Variants in AFDN observed in about 807,000 individuals in gnomAD.
AFDN encodes afadin.
A neutral mutation model predicts 216.6 loss-of-function variants in AFDN; 68 were observed. The observed-to-expected ratio is 0.31, with a 90% CI of 0.26 to 0.38. AFDN has a LOEUF of 0.38. AFDN is among the 10% of genes least tolerant of loss of function. The probability of loss-of-function intolerance (pLI) is 1.00; values close to 1 mark genes in which losing one functional copy is unlikely to be tolerated. For synonymous variants in AFDN, 868 were observed against 853.7 expected (o/e 1.02, Z -0.29); for missense variants, 2,136 against 2,342.0 (o/e 0.91, Z 1.82).
At chr6:167,934,112 C>T (rs1381900037) in intron 23 of AFDN, among the ~76,000 whole-genome samples, 2 of 152,242 alleles carry the variant, frequency 1.3e-5, no homozygotes, top group Non-Finnish European at 2.9e-5. Flanking sequence ...CACACACCTG[C>T]AAATGTCGCG....
intron 6 of AFDN, 56 bp downstream of exon 6, chr6:167,880,573 T>G: frequency 1.3e-6 from 2 of 1,534,170 alleles, no homozygotes; most frequent in Non-Finnish European, 8.9e-7. Context: ...AATGGTAGAT[T>G]TTCTTTAAAT....
chr6:167,954,362 T>G (rs765402225), intron 30 of AFDN: 1 of 933,286 alleles, frequency 1.1e-6, no homozygotes, highest in African/African-American at 1.7e-5. Context: ...CGCATGATAG[T>G]GAGAAAATAT....
rs563443858 is a variant in AFDN at position 167,848,104 on chromosome 6, G to A, written c.106-16447G>A. ...TGATTTACCCTATGTGAAACTGTGG[G>A]GGTAGCACTTTGGTGAAACAGGAGC... On this transcript the variant is annotated intron_variant, in intron 1 of 33. Coordinates refer to ENST00000683244, the MANE Select transcript of AFDN (RefSeq NM_001386888.1). Among the ~76,000 whole-genome samples, 20 of 152,182 alleles carry A rather than the reference G, an allele frequency of 1.3e-4. No homozygotes were observed. In the South Asian group the frequency reaches 3.3e-3, roughly 25 times the overall value.
At chr6:167,859,250 A>C (rs918536015) in intron 1 of AFDN, among the ~76,000 whole-genome samples, 7 of 152,116 alleles carry the variant, frequency 4.6e-5, no homozygotes, top group African/African-American at 1.7e-4. Context: ...TCTGTCCTCT[A>C]CCTAAAGCTG....
intron 23 of AFDN, among the ~76,000 whole-genome samples, chr6:167,936,410 A>G (rs923049601): frequency 2.6e-5 from 4 of 152,242 alleles, no homozygotes; most frequent in Non-Finnish European, 5.9e-5. Flanking sequence ...CCATAAAATG[A>G]ATTTTAATTG....
At chr6:167,918,594 A>C in intron 20 of AFDN, 141 bp from the exon 21 acceptor site, 1 of 785,658 alleles carries the variant, frequency 1.3e-6, no homozygotes, top group South Asian at 1.6e-5. Context: ...CTCCCTCCGT[A>C]ACCCTGCGTC....
intron 19 of AFDN, among the ~76,000 whole-genome samples, chr6:167,915,937 G>A (rs79514553): frequency 0.02 from 3,096 of 152,238 alleles, 51 homozygotes; most frequent in Middle Eastern, 0.044. Flanking sequence ...TCCAAAATTG[G>A]AAAAACTCCA....
intron 30 of AFDN, among the ~76,000 whole-genome samples, chr6:167,954,833 A>C (rs529040054): frequency 6.6e-6 from 1 of 152,302 alleles, no homozygotes; most frequent in Non-Finnish European, 1.5e-5. Context: ...TTTTTTTCAC[A>C]TTAGACATAG....
chr6:167,839,921 A>T (rs1308136085), intron 1 of AFDN, among the ~76,000 whole-genome samples: 1 of 152,202 alleles, frequency 6.6e-6, no homozygotes, highest in Non-Finnish European at 1.5e-5. Flanking sequence ...TTCCTGCAGC[A>T]GAGATGTGTC....
intron 1 of AFDN, among the ~76,000 whole-genome samples, chr6:167,831,624 T>C (rs575123578): frequency 1.3e-5 from 2 of 152,348 alleles, no homozygotes; most frequent in East Asian, 3.9e-4. Context: ...TAGACTTTTA[T>C]AACACTATCA....
chr6:167,943,363 C>G (rs1794917730), intron 24 of AFDN, 39 bp from the exon 25 acceptor site: 2 of 1,589,384 alleles, frequency 1.3e-6, no homozygotes, highest in African/African-American at 1.3e-5. Context: ...TCTTTGCTCT[C>G]TACCCCTAAT....
At chr6:167,939,370 G>A (rs2006274) in intron 23 of AFDN, among the ~76,000 whole-genome samples, 70,897 of 151,944 alleles carry the variant, frequency 0.47, 17,080 homozygotes, top group East Asian at 0.8. Flanking sequence ...GTAGTCAGGT[G>A]GAAAGCAGAG....
intron 19 of AFDN, among the ~76,000 whole-genome samples, chr6:167,916,521 GA>G (rs1198940178): frequency 1.3e-5 from 2 of 152,124 alleles, no homozygotes; most frequent in Non-Finnish European, 2.9e-5. Context: ...TAACCCTCAA[GA>G]ATACAAAGCC....
At chr6:167,866,969 T>C (rs1052521551) in intron 2 of AFDN, among the ~76,000 whole-genome samples, 7 of 152,350 alleles carry the variant, frequency 4.6e-5, no homozygotes, top group South Asian at 2.1e-4. Context: ...TCTTTTTATA[T>C]AGTCCAAGTC....
chr6:167,968,830 CCAGT>C (rs1797805994), intron 32 of AFDN: 1 of 371,352 alleles, frequency 2.7e-6, no homozygotes, highest in South Asian at 3.3e-5. Flanking sequence ...AGTTGCTGTG[CCAGT>C]CAGAGGCAGA....
chr6:167,871,786 G>A (rs929549387), intron 3 of AFDN, among the ~76,000 whole-genome samples: 2 of 152,078 alleles, frequency 1.3e-5, no homozygotes, highest in African/African-American at 4.8e-5. Flanking sequence ...TACTATAGGC[G>A]ATTTGTCTAT....
chr6:167,951,136 G>T lies in AFDN; in HGVS notation c.3832-50G>T. ...AAGATAAAATGTTTGTGGATATTTG[G>T]TAATTTCTAGTAAATGGCTGAAATA... On this transcript the variant is annotated intron_variant, in intron 29 of 33. Transcript: ENST00000683244. The surrounding 1 kb of genome is among the most constrained non-coding windows in gnomAD (Gnocchi z 7.1). 6.7e-7 allele frequency: 1 copy of T among 1,503,146 alleles called. No individual in the cohort carries two copies. The highest frequency in any genetic ancestry group is 8.9e-7 in the Non-Finnish European group (1 of 1,127,560). 93.1% of individuals were successfully genotyped at this position (1,503,146 alleles called of 1,614,324 possible).
chr6:167,835,897 A>G lies in AFDN; in HGVS notation c.105+8660A>G, dbSNP rs141146253. ...GAGTTTTAGGGCTGATTTAAAAAATATGTGTGTTCTAAGGTAGATATTATG... is the reference window on the plus strand; with the variant it reads ...GAGTTTTAGGGCTGATTTAAAAAATGTGTGTGTTCTAAGGTAGATATTATG... On this transcript the variant is annotated intron_variant, in intron 1 of 33. Transcript: ENST00000683244. 2.7e-3 allele frequency among the ~76,000 whole-genome samples: 413 copies of G among 152,342 alleles called. 4 individuals carry two copies. Among genetic ancestry groups the G allele is most frequent in the African/African-American group, 9.1e-3 (380 of 41,588 alleles).
chr6:167,904,949 G>T (rs1325984156), intron 12 of AFDN, among the ~76,000 whole-genome samples: 2 of 152,146 alleles, frequency 1.3e-5, no homozygotes, highest in Non-Finnish European at 2.9e-5. Flanking sequence ...CAGCCCCTAT[G>T]CCCTGAGCCT....
Sources: allele counts gnomAD v4.1 joint callset (sites outside exome capture counted in the v4.1 genomes callset), GRCh38; gene constraint gnomAD v4.1.1; non-coding constraint Gnocchi (gnomAD v3.1); transcripts MANE v1.5; gene names NCBI Gene and HGNC (gene_info 2026-07-23, HGNC 2026-07-21).